The following CHAF1A variants were observed in gnomAD, a reference collection of about 807,000 sequenced individuals.
The protein encoded by CHAF1A is CAF-1 subunit A.
In CHAF1A, 5 loss-of-function variants were observed where a neutral mutation model predicts 93.2. The observed-to-expected ratio is 0.05, with a 90% confidence interval of 0.03 to 0.11. The LOEUF is 0.11. Among genes scored for constraint, CHAF1A ranks in the 10% least tolerant of loss-of-function variants. The probability of loss-of-function intolerance (pLI) is 1.00; values close to 1 mark genes in which losing one functional copy is unlikely to be tolerated. For synonymous variants in CHAF1A, 504 were observed against 510.3 expected, an observed-to-expected ratio of 0.99 and a Z score of 0.17; for missense variants, 1,102 against 1,259.9, an observed-to-expected ratio of 0.87 and a Z score of 1.90.
intron 14 of CHAF1A, among the ~76,000 whole-genome samples, chr19:4,442,710 C>T (rs572665611): frequency 7.9e-5 from 12 of 152,144 alleles, no homozygotes; most frequent in Non-Finnish European, 1.8e-4. Context: ...GGAGTGTGCC[C>T]GGGTGGTGGG....
intron 13 of CHAF1A, among the ~76,000 whole-genome samples, chr19:4,440,171 C>T (rs769844071): frequency 2.4e-4 from 37 of 152,108 alleles, no homozygotes; most frequent in Non-Finnish European, 5.0e-4. Flanking sequence ...GACTATCCTC[C>T]CTACTGAAAT....
intron 8 of CHAF1A, 164 bp from the exon 9 acceptor site, chr19:4,429,274 T>G: frequency 1.3e-6 from 1 of 777,786 alleles, no homozygotes; most frequent in African/African-American, 1.7e-5. Flanking sequence ...ATCTGTCCCT[T>G]CAGTCCATGT....
intron 14 of CHAF1A, 96 bp from the exon 15 acceptor site, chr19:4,442,829 G>A: frequency 2.3e-6 from 2 of 877,158 alleles, no homozygotes; most frequent in Non-Finnish European, 3.4e-6. Context: ...CCGCCCTGGG[G>A]TTGTTGCAGG....
At chr19:4,445,975 G>A, downstream of CHAF1A, 1 of 1,525,684 alleles carries the variant, frequency 6.6e-7, no homozygotes, top group Admixed American at 2.1e-5. Context: ...CTCCCTCCTG[G>A]GGGTGTCTGT....
chr19:4,430,102 C>A, intron 10 of CHAF1A: 1 of 395,924 alleles, frequency 2.5e-6, no homozygotes, highest in Non-Finnish European at 4.6e-6. Flanking sequence ...TGCCCAGCTG[C>A]TGTGACCTAG....
intron 13 of CHAF1A, 58 bp from the exon 14 acceptor site, chr19:4,442,187 C>T (rs753227769): frequency 1.7e-5 from 25 of 1,447,846 alleles, no homozygotes; most frequent in Non-Finnish European, 2.3e-5. Flanking sequence ...CGCTACCGCA[C>T]TGGCACCAGG....
At chr19:4,414,229 C>T (rs1599642641) in intron 3 of CHAF1A, among the ~76,000 whole-genome samples, 2 of 151,930 alleles carry the variant, frequency 1.3e-5, no homozygotes, top group African/African-American at 2.4e-5. Context: ...GGTGAAACTC[C>T]GTCTGTACAA....
At position 4,428,890 on chromosome 19, in the gene CHAF1A, G is replaced by A; in HGVS notation, c.1604G>A (p.Ser535Asn). ...VSTRNADIFN[S>N]DVVIVERGKG... ...ACCCGGAATGCAGATATTTTTAACA[G>A]GTCAGAGCCTGAGGAGGTCGGCCTT... The change falls in exon 8 of 15, where the codon AGT becomes AAT. Residue 535 changes from serine to asparagine, a missense_variant and splice_region_variant. Coordinates refer to ENST00000301280, the MANE Select transcript of CHAF1A (RefSeq NM_005483.3). 1 of 1,612,846 alleles carries A rather than the reference G, an allele frequency of 6.2e-7. No homozygotes were observed. Among genetic ancestry groups the A allele is most frequent in the Non-Finnish European group, 8.5e-7 (1 of 1,179,280 alleles).
chr19:4,432,904 T>C (rs1974212608), intron 12 of CHAF1A, among the ~76,000 whole-genome samples, 166 bp from the exon 13 acceptor site: 1 of 152,036 alleles, frequency 6.6e-6, no homozygotes, highest in African/African-American at 2.4e-5. Context: ...GGCAGGTGCG[T>C]AGGTGCTACC....
chr19:4,432,150 C>A lies in CHAF1A; in HGVS notation c.2146C>A (p.Pro716Thr). 1 of 1,612,804 alleles carries A rather than the reference C, an allele frequency of 6.2e-7. No homozygotes were observed. Among genetic ancestry groups the A allele is most frequent in the Non-Finnish European group, 8.5e-7 (1 of 1,179,702 alleles). ...CGCAGCCTGCTTCCTGGAGACCCTGCCGGCCCAGGAGGAGCAGACGCCCAA... is the reference window on the plus strand; with the variant it reads ...CGCAGCCTGCTTCCTGGAGACCCTGACGGCCCAGGAGGAGCAGACGCCCAA... The part of the protein sequence containing the change: ...QFAACFLETL[P>T]AQEEQTPKAS... Residue 716 changes from proline to threonine, a missense_variant, in exon 12 of 15, where the codon CCG becomes ACG. Physicochemically the swap from Pro to Thr is conservative, Grantham distance 38 (BLOSUM62 -1). Transcript: ENST00000301280.
In CHAF1A at chr19:4,433,177, G is replaced by A. The variant is rs772551130; in HGVS notation, c.2311G>A (p.Gly771Ser). 3.5e-5 allele frequency: 57 copies of A among 1,613,448 alleles called. No individual in the cohort carries two copies. The highest frequency in any genetic ancestry group is 4.3e-5 in the Non-Finnish European group (51 of 1,179,822). ...CCGGGGACTGCTCAGCAACCACACC[G>A]GCAGCCCGCGGAGCCCCTCCACCAC... ...CRRGLLSNHT[G>S]SPRSPSTTYL... The change falls in exon 13 of 15, where the codon GGC becomes AGC. Residue 771 changes from glycine (G) to serine (S), a missense_variant. Gly to Ser is a moderately conservative substitution (Grantham distance 56, BLOSUM62 0). This residue lies in a region of CHAF1A where 335 missense variants were observed against 361.9 expected (regional missense o/e 0.93). Transcript: ENST00000301280. The surrounding 1 kb of genome is among the most constrained non-coding windows in gnomAD (Gnocchi z 5.6).
chr19:4,402,841 A>AG (rs976582672), intron 1 of CHAF1A, 27 bp downstream of exon 1: 6 of 1,187,660 alleles, frequency 5.1e-6, no homozygotes, highest in South Asian at 4.2e-5. Flanking sequence ...GCCGAGGGGA[A>AG]GGGGGGGCGC....
chr19:4,447,164 G>A (rs1002254229), downstream of CHAF1A: 6 of 593,966 alleles, frequency 1.0e-5, no homozygotes, highest in South Asian at 2.0e-5. Flanking sequence ...TGAGGCTGAG[G>A]AGCCAGACAC....
intron 13 of CHAF1A, among the ~76,000 whole-genome samples, 168 bp from the exon 14 acceptor site, chr19:4,442,077 C>T (rs1974400707): frequency 6.6e-6 from 1 of 152,164 alleles, no homozygotes; most frequent in African/African-American, 2.4e-5. Flanking sequence ...TTGAATAAAC[C>T]TCTCACATTT....
At chr19:4,450,786 A>AAAAAAAG in the CHAF1A span, 1 of 139,778 alleles carries the variant, frequency 7.2e-6, no homozygotes, top group Non-Finnish European at 1.5e-5. Context: ...AAAAAAAAAA[A>AAAAAAAG]GAGTGCCTAC....
chr19:4,414,466 CATT>C (rs1181542014), intron 3 of CHAF1A, among the ~76,000 whole-genome samples: 1 of 151,840 alleles, frequency 6.6e-6, no homozygotes, highest in East Asian at 1.9e-4. Context: ...AGGAGGTTGC[CATT>C]ATTATCATCA....
At chr19:4,417,905 C>G in intron 3 of CHAF1A, 115 bp from the exon 4 acceptor site, 1 of 652,696 alleles carries the variant, frequency 1.5e-6, no homozygotes, top group African/African-American at 1.8e-5. Flanking sequence ...GTTTGTGACC[C>G]TATTATGACA....
chr19:4,429,018 G>C (rs1974134312), intron 8 of CHAF1A, 128 bp downstream of exon 8: 1 of 706,102 alleles, frequency 1.4e-6, no homozygotes, highest in Non-Finnish European at 2.4e-6. Context: ...CTCGGGCCCT[G>C]GGCTTCGGTG....
chr19:4,447,508 C>A, downstream of CHAF1A: 2 of 1,610,004 alleles, frequency 1.2e-6, no homozygotes, highest in Non-Finnish European at 1.7e-6. Flanking sequence ...CCAGCTGCCC[C>A]CACCCCCAGC....
Sources: allele counts gnomAD v4.1 joint callset (sites outside exome capture counted in the v4.1 genomes callset), GRCh38; gene constraint gnomAD v4.1.1; regional missense constraint gnomAD v4.1.1; non-coding constraint Gnocchi (gnomAD v3.1); transcripts MANE v1.5; gene names NCBI Gene and HGNC (gene_info 2026-07-23, HGNC 2026-07-21).